The following PHKB variants were observed in gnomAD, a reference collection of about 807,000 sequenced individuals.
PHKB encodes phosphorylase b kinase regulatory subunit beta.
In PHKB, 122 loss-of-function variants were observed where a neutral mutation model predicts 152.1. The ratio of observed to expected loss-of-function variants is 0.80; its 90% CI spans 0.69 to 0.93. PHKB has a LOEUF of 0.93. Ranked by LOEUF, PHKB falls within the 40% of genes least tolerant of loss-of-function variation. PHKB has a pLI of 0.00. For missense variants in PHKB, 1,304 were observed against 1,328.4 expected (o/e 0.98, Z 0.29); for synonymous variants, 436 against 464.9 (o/e 0.94, Z 0.80).
chr16:47,494,793 G>C (rs1970205048), intron 1 of PHKB, among the ~76,000 whole-genome samples: 1 of 152,154 alleles, frequency 6.6e-6, no homozygotes, highest in Non-Finnish European at 1.5e-5. Flanking sequence ...ATTAATTGCT[G>C]TCTCCATTTT....
intron 16 of PHKB, among the ~76,000 whole-genome samples, chr16:47,646,961 A>G (rs1041271176): frequency 6.6e-6 from 1 of 152,160 alleles, no homozygotes; most frequent in Non-Finnish European, 1.5e-5. Flanking sequence ...TTAAGTGCTC[A>G]GCTCTGACAT....
At chr16:47,530,409 C>G (rs1472180434) in intron 6 of PHKB, among the ~76,000 whole-genome samples, 1 of 152,126 alleles carries the variant, frequency 6.6e-6, no homozygotes, top group African/African-American at 2.4e-5. Context: ...GCCTCAGCCT[C>G]CCAAAGTGCT....
chr16:47,511,633 C>T (rs1177762482), intron 4 of PHKB, 32 bp from the exon 5 acceptor site: 2 of 1,374,334 alleles, frequency 1.5e-6, no homozygotes, highest in Non-Finnish European at 2.1e-6. Context: ...TTATGAATTA[C>T]TAATGTTGTT....
chr16:47,570,020 G>A (rs1432838457), intron 7 of PHKB, among the ~76,000 whole-genome samples: 1 of 152,224 alleles, frequency 6.6e-6, no homozygotes, highest in African/African-American at 2.4e-5. Context: ...TTCTTTGAAA[G>A]TCTTTATTTT....
At chr16:47,515,412 T>C (rs1970578370) in intron 5 of PHKB, 109 bp from the exon 6 acceptor site, 1 of 706,904 alleles carries the variant, frequency 1.4e-6, no homozygotes, top group Non-Finnish European at 2.6e-6. Context: ...AGGAAATAGT[T>C]TTATGACACT....
intron 14 of PHKB, among the ~76,000 whole-genome samples, chr16:47,628,158 C>T (rs1008834983): frequency 1.3e-5 from 2 of 152,158 alleles, no homozygotes; most frequent in Non-Finnish European, 2.9e-5. Context: ...TTCTCTCCCT[C>T]CTCCCTTGCC....
chr16:47,548,853 T>C (rs1312850496), intron 7 of PHKB, among the ~76,000 whole-genome samples: 1 of 152,188 alleles, frequency 6.6e-6, no homozygotes, highest in Non-Finnish European at 1.5e-5. Flanking sequence ...GTTATAATAA[T>C]TGTTGTCATT....
chr16:47,553,079 A>C (rs942824514), intron 7 of PHKB, among the ~76,000 whole-genome samples: 2 of 152,032 alleles, frequency 1.3e-5, no homozygotes, highest in African/African-American at 4.8e-5. Context: ...GAATTTGTTC[A>C]GTCTTGCTAG....
rs79751592 is a variant in PHKB, at chr16:47,569,999, A to C, written c.711-10296A>C. Among the ~76,000 whole-genome samples, 32 of 152,330 alleles carry C rather than the reference A, an allele frequency of 2.1e-4. No individual in the cohort carries two copies. In the East Asian group the frequency reaches 6.0e-3, roughly 28 times the overall value. On this transcript the variant is annotated intron_variant, in intron 7 of 30. Transcript: ENST00000323584. The stretch of plus-strand genomic sequence containing the variant: ...TGGCCTACTGGTGACGGATTCCCTC[A>C]GCATTTGCTTTTCTTTGAAAGTCTT...
chr16:47,532,185 A>T (rs553275385), intron 6 of PHKB, among the ~76,000 whole-genome samples: 1 of 152,232 alleles, frequency 6.6e-6, no homozygotes, highest in East Asian at 1.9e-4. Context: ...AGATAACCCT[A>T]CTTATCAGTG....
intron 6 of PHKB, among the ~76,000 whole-genome samples, chr16:47,539,500 A>C (rs192419394): frequency 1.3e-4 from 20 of 152,272 alleles, no homozygotes; most frequent in Admixed American, 5.9e-4. Context: ...CTTATAAACA[A>C]TAATAGATAC....
chr16:47,464,568 G>A (rs1969634485), intron 1 of PHKB, among the ~76,000 whole-genome samples: 1 of 152,154 alleles, frequency 6.6e-6, no homozygotes, highest in Non-Finnish European at 1.5e-5. Flanking sequence ...AGAGCTGGAT[G>A]AAAGCTATGG....
intron 3 of PHKB, 54 bp from the exon 4 acceptor site, chr16:47,502,937 C>A: frequency 8.8e-7 from 1 of 1,140,576 alleles, no homozygotes; most frequent in Non-Finnish European, 1.3e-6. Flanking sequence ...AAAAGCTCTG[C>A]TTCCTTTTCA....
chr16:47,561,047 A>C (rs946568616), intron 7 of PHKB, among the ~76,000 whole-genome samples: 1 of 152,226 alleles, frequency 6.6e-6, no homozygotes, highest in Non-Finnish European at 1.5e-5. Context: ...TCTTAGTTTA[A>C]GGTGCCACAT....
chr16:47,599,205 T>C (rs1972177406), intron 13 of PHKB, among the ~76,000 whole-genome samples: 1 of 152,248 alleles, frequency 6.6e-6, no homozygotes. Flanking sequence ...ATTAGAATTA[T>C]AGGTTTTTAT....
intron 13 of PHKB, among the ~76,000 whole-genome samples, chr16:47,602,304 A>G (rs1197189095): frequency 6.6e-6 from 1 of 152,216 alleles, no homozygotes; most frequent in Admixed American, 6.5e-5. Context: ...GATAAAATGG[A>G]TATAGAAGTA....
chr16:47,676,469 GA>G (rs1213104440), intron 26 of PHKB: 2 of 152,130 alleles, frequency 1.3e-5, no homozygotes, highest in Non-Finnish European at 2.9e-5. Context: ...ATGGCCATAA[GA>G]AATAAGAACA....
At chr16:47,666,631 T>C (rs1364230812) in intron 25 of PHKB, among the ~76,000 whole-genome samples, 2 of 152,252 alleles carry the variant, frequency 1.3e-5, no homozygotes, top group Non-Finnish European at 2.9e-5. Flanking sequence ...TGGGTCCCAG[T>C]TCATTTGAAT....
chr16:47,473,585 T>C (rs1426914505), intron 1 of PHKB, among the ~76,000 whole-genome samples: 2 of 152,212 alleles, frequency 1.3e-5, no homozygotes, highest in Non-Finnish European at 2.9e-5. Context: ...AATTATTCTT[T>C]ATGTTTAACT....
Sources: gnomAD v4.1 joint callset for allele counts (sites outside exome capture counted in the v4.1 genomes callset) on GRCh38, gnomAD v4.1.1 for gene constraint, MANE v1.5 for transcripts, NCBI Gene and HGNC (gene_info 2026-07-23, HGNC 2026-07-21) for gene names.